The following AIF1L variants were observed in gnomAD, a reference collection of about 807,000 sequenced individuals.
The protein encoded by AIF1L is allograft inflammatory factor 1 like.
Under a neutral mutation model 20.7 loss-of-function variants are expected in AIF1L, and 12 were observed. The observed-to-expected ratio is 0.58, with a 90% CI of 0.37 to 0.94. The LOEUF (loss-of-function observed/expected upper bound fraction) is 0.94. Among genes scored for constraint, AIF1L ranks in the 40% least tolerant of loss-of-function variants. AIF1L has a pLI of 0.01. For missense variants in AIF1L, 173 were observed against 185.3 expected (o/e 0.93, Z 0.39); for synonymous variants, 76 against 65.1 (o/e 1.17, Z -0.81).
At chr9:131,115,015 A>AT (rs563680949) in intron 4 of AIF1L, among the ~76,000 whole-genome samples, 1 of 152,130 alleles carries the variant, frequency 6.6e-6, no homozygotes, top group Non-Finnish European at 1.5e-5. Context: ...ATATACGTTG[A>AT]TTCTCTCCTT....
chr9:131,106,242 T>C (rs2315075), intron 2 of AIF1L: 303,275 of 1,534,280 alleles, frequency 0.2, 32,057 homozygotes, highest in Admixed American at 0.32. Context: ...CCAGCACAGC[T>C]GCTTGCTGGC....
intron 2 of AIF1L, among the ~76,000 whole-genome samples, chr9:131,099,025 G>A (rs371857600): frequency 6.6e-6 from 1 of 152,118 alleles, no homozygotes; most frequent in African/African-American, 2.4e-5. Flanking sequence ...TAGTCATGAG[G>A]TACCCACAAG....
At chr9:131,102,744 C>T (rs1830664491) in intron 2 of AIF1L, 1 of 366,096 alleles carries the variant, frequency 2.7e-6, no homozygotes, top group African/African-American at 2.1e-5. Flanking sequence ...TTCTGCTACT[C>T]ACCAGGTGCC....
At chr9:131,106,287 T>C in intron 2 of AIF1L, 2 of 1,436,002 alleles carry the variant, frequency 1.4e-6, no homozygotes, top group Non-Finnish European at 1.9e-6. Context: ...AACCTGAGTC[T>C]CAACTCCTCC....
chr9:131,097,598 G>A (rs1403187505), intron 2 of AIF1L, among the ~76,000 whole-genome samples: 1 of 152,194 alleles, frequency 6.6e-6, no homozygotes, highest in Non-Finnish European at 1.5e-5. Flanking sequence ...TCCTGTTGTT[G>A]CCAGGCATCC....
intron 3 of AIF1L, among the ~76,000 whole-genome samples, chr9:131,113,497 C>CAA (rs3057292): frequency 4.5e-4 from 22 of 49,324 alleles, no homozygotes; most frequent in African/African-American, 6.1e-4. Context: ...GACTCCATCT[C>CAA]AAAAAAAAAA....
chr9:131,112,125 G>A (rs1372437847), intron 3 of AIF1L: 3 of 162,026 alleles, frequency 1.9e-5, no homozygotes, highest in Non-Finnish European at 1.4e-5. Flanking sequence ...ATTGAAACCC[G>A]GCAGCACGGG....
chr9:131,112,475 A>T (rs905471095), intron 3 of AIF1L: 2 of 152,320 alleles, frequency 1.3e-5, no homozygotes, highest in East Asian at 3.9e-4. Context: ...TATTAATAAC[A>T]GCTGGCATTT....
At chr9:131,120,205 C>G in intron 5 of AIF1L, 30 bp from the exon 6 acceptor site, 1 of 1,602,796 alleles carries the variant, frequency 6.2e-7, no homozygotes, top group Non-Finnish European at 8.5e-7. Context: ...GTTTTTCTTT[C>G]TTTTTTTCTT....
At chr9:131,102,037 C>A (rs769584368) in intron 2 of AIF1L, among the ~76,000 whole-genome samples, 4 of 152,180 alleles carry the variant, frequency 2.6e-5, no homozygotes, top group Non-Finnish European at 4.4e-5. Flanking sequence ...CTGCCACAGC[C>A]TCCCGAGTAG....
chr9:131,115,005 A>T (rs1198341404), intron 4 of AIF1L, among the ~76,000 whole-genome samples: 1 of 152,198 alleles, frequency 6.6e-6, no homozygotes, highest in Non-Finnish European at 1.5e-5. Flanking sequence ...AGTTGCTTTT[A>T]TATACGTTGA....
intron 4 of AIF1L, among the ~76,000 whole-genome samples, chr9:131,116,425 G>A (rs898968037): frequency 2.6e-5 from 4 of 152,022 alleles, no homozygotes; most frequent in Admixed American, 6.6e-5. Context: ...CACCACGCCC[G>A]GCTAATTTTC....
intron 2 of AIF1L, among the ~76,000 whole-genome samples, chr9:131,110,984 T>C (rs1422188475): frequency 2.0e-5 from 3 of 149,918 alleles, no homozygotes; most frequent in Non-Finnish European, 4.4e-5. Flanking sequence ...GAGACCAGCC[T>C]GGCCAACATG....
intron 2 of AIF1L, chr9:131,106,180 C>T: frequency 6.5e-7 from 1 of 1,530,302 alleles, no homozygotes; most frequent in South Asian, 1.2e-5. Context: ...TACCCACTTC[C>T]TCCTCAGTAC....
At chr9:131,114,701 C>A (rs2133399908) in intron 4 of AIF1L, 83 bp downstream of exon 4, 3 of 1,540,702 alleles carry the variant, frequency 1.9e-6, no homozygotes, top group Non-Finnish European at 2.7e-6. Context: ...GGGTGAGGGG[C>A]ATGGGGCAGT....
intron 3 of AIF1L, chr9:131,114,119 C>T (rs73658930): frequency 0.011 from 1,997 of 182,068 alleles, 49 homozygotes; most frequent in African/African-American, 0.045. Context: ...TCACAGGTCC[C>T]CTGAATCAGT....
At chr9:131,107,618 C>G (rs1008400348) in intron 2 of AIF1L, among the ~76,000 whole-genome samples, 2 of 152,256 alleles carry the variant, frequency 1.3e-5, no homozygotes, top group Admixed American at 1.3e-4. Flanking sequence ...AGATGGTGAA[C>G]TTCCTACTTT....
In AIF1L at chr9:131,122,892, C is replaced by T. The variant is rs1292106893; in HGVS notation, c.*2570C>T. The T allele has an allele frequency of 6.6e-6, 1 of 152,294 alleles. No individual in the cohort carries two copies. The highest frequency in any genetic ancestry group is 1.5e-5 in the Non-Finnish European group (1 of 68,102). 9.4% of individuals were successfully genotyped at this position (152,294 alleles called of 1,614,324 possible). On this transcript the variant is annotated 3_prime_UTR_variant, in exon 6 of 6. Coordinates refer to ENST00000247291, the MANE Select transcript of AIF1L (RefSeq NM_031426.4). ...AGTCTGCATCTATTTCAGGTTGTGG[C>T]TCTTGGTTCTAGGACTCTTACTTCT...
chr9:131,117,696 C>T, intron 4 of AIF1L, 60 bp from the exon 5 acceptor site: 1 of 1,506,176 alleles, frequency 6.6e-7, no homozygotes, highest in Non-Finnish European at 8.9e-7. Flanking sequence ...GCTTTCCCAG[C>T]TTCCCTGCTA....
Sources: gnomAD v4.1 joint callset for allele counts (sites outside exome capture counted in the v4.1 genomes callset) on GRCh38, gnomAD v4.1.1 for gene constraint, MANE v1.5 for transcripts, NCBI Gene and HGNC (gene_info 2026-07-23, HGNC 2026-07-21) for gene names.